Variants in KIF18B observed in about 807,000 individuals in gnomAD.
KIF18B encodes the protein kinesin family member 18B.
KIF18B carries 49 observed loss-of-function variants against 80.9 expected under a neutral mutation model. That is an observed-to-expected ratio of 0.61 (90% CI 0.48 to 0.77). The LOEUF is 0.77. Ranked by LOEUF, KIF18B falls within the 30% of genes least tolerant of loss-of-function variation. The pLI, the probability that KIF18B is intolerant of heterozygous loss-of-function variation, is 0.00. For missense variants in KIF18B, 994 were observed against 1,127.7 expected, an observed-to-expected ratio of 0.88 and a Z score of 1.70; for synonymous variants, 439 against 463.9, an observed-to-expected ratio of 0.95 and a Z score of 0.69.
chr17:44,945,843 T>C (rs1404849274), intron 1 of KIF18B, among the ~76,000 whole-genome samples: 2 of 148,776 alleles, frequency 1.3e-5, no homozygotes, highest in African/African-American at 5.0e-5. Context: ...GAGGCGGAGG[T>C]TGCAGGGAGC....
intron 1 of KIF18B, among the ~76,000 whole-genome samples, chr17:44,939,864 G>A (rs1445943220): frequency 1.3e-5 from 2 of 152,084 alleles, no homozygotes; most frequent in Non-Finnish European, 2.9e-5. Context: ...CCAGGCTGGA[G>A]TGCAGTGGCA....
intron 1 of KIF18B, among the ~76,000 whole-genome samples, chr17:44,938,102 G>C (rs1356347078): frequency 6.6e-6 from 1 of 151,866 alleles, no homozygotes; most frequent in Non-Finnish European, 1.5e-5. Context: ...TACAACCTCT[G>C]CCTCCCAGGT....
chr17:44,936,686 C>T (rs1252982591), intron 1 of KIF18B, among the ~76,000 whole-genome samples: 1 of 116,532 alleles, frequency 8.6e-6, no homozygotes, highest in Non-Finnish European at 1.6e-5. Flanking sequence ...GTCGCCCAGG[C>T]TAGAGTGCAA....
chr17:44,934,086 T>C lies in KIF18B; in HGVS notation c.899A>G (p.His300Arg). The stretch of plus-strand genomic sequence containing the variant: ...CAGTTTGCTGTCCCGGTAGGGCACA[T>C]GGGTCTTGCGGCCCTGGGGGGCAGT... ...ALADAKGRKT[H>R]VPYRDSKLTR... The change falls in exon 7 of 16, where the codon CAT (histidine) becomes CGT (arginine). Residue 300 changes from histidine (H) to arginine (R), a missense_variant. His to Arg is a conservative substitution (Grantham distance 29, BLOSUM62 0). Transcript: ENST00000593135. The surrounding 1 kb of genome is among the most constrained non-coding windows in gnomAD (Gnocchi z 5.4). The C allele has an allele frequency of 6.2e-7, 1 of 1,612,590 alleles. No homozygotes were observed. Among genetic ancestry groups the C allele is most frequent in the Non-Finnish European group, 8.5e-7 (1 of 1,179,450 alleles).
At position 44,932,226 on chromosome 17, in the gene KIF18B, A is replaced by T. The variant is rs760539140; in HGVS notation, c.1239-20T>A. ...GGCTGGCTGGGAGGGTGGGGTGGCA[A>T]GGGGGAGCTGGGAAGGCTAAGCGGG... On this transcript the variant is annotated intron_variant, in intron 9 of 15. Transcript: ENST00000593135. 1.5e-5 allele frequency: 23 copies of T among 1,568,050 alleles called. No individual in the cohort carries two copies. Among genetic ancestry groups the T allele is most frequent in the Non-Finnish European group, 1.9e-5 (22 of 1,154,680 alleles).
At position 44,928,483 on chromosome 17, in the gene KIF18B, G is replaced by C; in HGVS notation, c.1819C>G (p.Leu607Val). 1 of 1,517,352 alleles carries C rather than the reference G, an allele frequency of 6.6e-7. No homozygotes were observed. The highest frequency in any genetic ancestry group is 8.8e-7 in the Non-Finnish European group (1 of 1,137,350). The allele number at this position is 1,517,352 out of a possible 1,614,324, so 94.0% of individuals were successfully genotyped here. A position where few individuals can be genotyped will look rare whatever the true frequency, so the allele number is the denominator to read the frequency against. Residue 607 changes from leucine (L) to valine (V), a missense_variant, in exon 13 of 16, where the codon CTG becomes GTG. By Grantham distance (32) the Leu-to-Val change is conservative. Transcript: ENST00000593135. ...CAGTTGGGTCCAGGCGGGATTCCCA[G>C]GGTGTGCAGGGGGCCACTCAGTCGC... ...ARRLSGPLHT[L>V]GIPPGPNCTP...
Position 44,927,208 on chromosome 17 carries a change from T to C in KIF18B, c.2277-130A>G, listed in dbSNP as rs2052048096. 1.6e-6 allele frequency: 1 copy of C among 640,586 alleles called. No homozygotes were observed. Among genetic ancestry groups the C allele is most frequent in the Admixed American group, 3.0e-5 (1 of 33,604 alleles). 39.7% of individuals were successfully genotyped at this position (640,586 alleles called of 1,614,324 possible). ...GGACAAGATGACCTCTGAGGTTTCTTCTACAAAGAGGTGGATTCCTCTCTC... is the reference window on the plus strand; with the variant it reads ...GGACAAGATGACCTCTGAGGTTTCTCCTACAAAGAGGTGGATTCCTCTCTC... On this transcript the variant is annotated intron_variant, in intron 13 of 15. Transcript: ENST00000593135. This position sits in a 1 kb window ranked among gnomAD's most constrained non-coding sequence, Gnocchi z 4.1.
rs113281200 is a variant in KIF18B at position 44,927,201 on chromosome 17, G to A, written c.2277-123C>T. ...GGTGGTTGGACAAGATGACCTCTGA[G>A]GTTTCTTCTACAAAGAGGTGGATTC... is the stretch of plus-strand genomic sequence containing the variant. On this transcript the variant is annotated intron_variant, in intron 13 of 15. Coordinates refer to ENST00000593135, the MANE Select transcript of KIF18B (RefSeq NM_001265577.2). The surrounding 1 kb of genome is among the most constrained non-coding windows in gnomAD (Gnocchi z 4.1). 1.5e-6 allele frequency: 1 copy of A among 663,938 alleles called. No individual in the cohort carries two copies. The highest frequency in any genetic ancestry group is 2.6e-6 in the Non-Finnish European group (1 of 391,748). 41.1% of individuals were successfully genotyped at this position (663,938 alleles called of 1,614,324 possible).
At chr17:44,937,606 C>A (rs185480505) in intron 1 of KIF18B, among the ~76,000 whole-genome samples, 2 of 152,280 alleles carry the variant, frequency 1.3e-5, no homozygotes, top group East Asian at 3.9e-4. Context: ...CACACGATAT[C>A]TACCATCCCC....
intron 1 of KIF18B, among the ~76,000 whole-genome samples, chr17:44,940,444 TAATAATTCC>T (rs1456430149): frequency 6.6e-6 from 1 of 152,216 alleles, no homozygotes; most frequent in East Asian, 1.9e-4. Flanking sequence ...GTTGACCTGG[TAATAATTCC>T]AAACATATAT....
At chr17:44,946,307 C>T (rs534775751) in intron 1 of KIF18B, among the ~76,000 whole-genome samples, 1 of 151,976 alleles carries the variant, frequency 6.6e-6, no homozygotes, top group East Asian at 1.9e-4. Context: ...AATATAAAGA[C>T]CAACATCTTA....
intron 9 of KIF18B, 139 bp downstream of exon 9, chr17:44,932,534 G>T (rs2052179286): frequency 1.5e-6 from 1 of 647,336 alleles, no homozygotes. Context: ...TGCTGGGCAG[G>T]CACTGGGTGC....
In KIF18B at chr17:44,932,218, G is replaced by A. The variant is rs149127441; in HGVS notation, c.1239-12C>T. On this transcript the variant is annotated splice_polypyrimidine_tract_variant and intron_variant, in intron 9 of 15. Transcript: ENST00000593135. The stretch of plus-strand genomic sequence containing the variant: ...GGGTGCAGGGCTGGCTGGGAGGGTG[G>A]GGTGGCAAGGGGGAGCTGGGAAGGC... 2.6e-4 allele frequency: 410 copies of A among 1,573,842 alleles called. 2 individuals carry two copies. The Middle Eastern group carries it at 0.01, about 40-fold the overall frequency.
chr17:44,932,791 C>A lies in KIF18B; in HGVS notation c.1138-18G>T. On this transcript the variant is annotated intron_variant, in intron 8 of 15. Transcript: ENST00000593135. ...GCGGCTACCTGGAACAGAAGCAGCCCAGCCCCTGAGAGCCCCAGCTAAGCA... is the reference window on the plus strand; with the variant it reads ...GCGGCTACCTGGAACAGAAGCAGCCAAGCCCCTGAGAGCCCCAGCTAAGCA... 1 of 1,607,118 alleles carries A rather than the reference C, an allele frequency of 6.2e-7. No individual in the cohort carries two copies.
At chr17:44,936,619 TATA>T (rs2052312838) in intron 1 of KIF18B, among the ~76,000 whole-genome samples, 3 of 76,910 alleles carry the variant, frequency 3.9e-5, no homozygotes, top group Admixed American at 1.5e-4. Context: ...TATATATATA[TATA>T]TATTTTTTTT....
At chr17:44,940,556 T>C (rs1198104150) in intron 1 of KIF18B, among the ~76,000 whole-genome samples, 2 of 152,326 alleles carry the variant, frequency 1.3e-5, no homozygotes, top group South Asian at 2.1e-4. Context: ...GATGGAATTT[T>C]TGGAATGCAG....
Position 44,926,394 on chromosome 17 carries a change from C to T in KIF18B, c.2452+20G>A, listed in dbSNP as rs1408346356. ...TCGGCCTCCATGGCCCAGGCTATCCCTGTCCCTAGTGCCAGTCACCTGGGA... is the reference window on the plus strand; with the variant it reads ...TCGGCCTCCATGGCCCAGGCTATCCTTGTCCCTAGTGCCAGTCACCTGGGA... On this transcript the variant is annotated intron_variant, in intron 15 of 15. Coordinates refer to ENST00000593135, the MANE Select transcript of KIF18B (RefSeq NM_001265577.2). 1.9e-6 allele frequency: 3 copies of T among 1,561,280 alleles called. No homozygotes were observed. In the African/African-American group the frequency reaches 4.1e-5, roughly 21 times the overall value.
chr17:44,929,109 T>G, intron 11 of KIF18B, 85 bp from the exon 12 acceptor site: 1 of 1,225,172 alleles, frequency 8.2e-7, no homozygotes. Flanking sequence ...TCCTCATCAC[T>G]CCAGCTGTGG....
rs1356482425 is a variant in KIF18B, at chr17:44,928,305, G to A, written c.1997C>T (p.Thr666Ile). 1 of 1,613,066 alleles carries A rather than the reference G, an allele frequency of 6.2e-7. No individual in the cohort carries two copies. Among genetic ancestry groups the A allele is most frequent in the Non-Finnish European group, 8.5e-7 (1 of 1,179,754 alleles). Residue 666 changes from threonine (T) to isoleucine (I), a missense_variant, in exon 13 of 16, where the codon ACC becomes ATC. Coordinates refer to ENST00000593135, the MANE Select transcript of KIF18B (RefSeq NM_001265577.2). ...GGTGCTGGGCCCCTGTGAAGGTTGG[G>A]TGTCAGGCAGAGACCCTCTCCTTAG... Reference protein sequence around the residue: ...PCLRRGSLPDTQPSQGPSTPK... With the variant: ...PCLRRGSLPDIQPSQGPSTPK...
Sources: allele counts gnomAD v4.1 joint callset (sites outside exome capture counted in the v4.1 genomes callset), GRCh38; gene constraint gnomAD v4.1.1; non-coding constraint Gnocchi (gnomAD v3.1); transcripts MANE v1.5; gene names NCBI Gene and HGNC (gene_info 2026-07-23, HGNC 2026-07-21).